TEF: variants seen among roughly 807,000 people sequenced by gnomAD.
TEF encodes TEF transcription factor, PAR bZIP family member.
A neutral mutation model predicts 20.8 loss-of-function variants in TEF; 3 were observed. That is an observed-to-expected ratio of 0.14 (90% confidence interval 0.07 to 0.37). The LOEUF (loss-of-function observed/expected upper bound fraction) is 0.37, where lower values mean the gene tolerates loss of function less well. Ranked by LOEUF, TEF falls within the 10% of genes least tolerant of loss-of-function variation. The pLI, the probability that TEF is intolerant of heterozygous loss-of-function variation, is 1.00. For missense variants in TEF, 296 were observed against 397.9 expected, an observed-to-expected ratio of 0.74 and a Z score of 2.18; for synonymous variants, 180 against 171.1, an observed-to-expected ratio of 1.05 and a Z score of -0.41.
At chr22:41,378,261 C>T (rs1297867847), upstream of TEF, among the ~76,000 whole-genome samples, 10 of 151,322 alleles carry the variant, frequency 6.6e-5, no homozygotes, top group African/African-American at 1.9e-4. Context: ...CTCCGCCTCC[C>T]ACGTTCAAGC....
chr22:41,381,903 T>C (rs1019116113), upstream of TEF: 1 of 1,225,372 alleles, frequency 8.2e-7, no homozygotes, highest in Non-Finnish European at 1.0e-6. Context: ...GCAGGCGGGG[T>C]AGCGATGGAA....
chr22:41,382,342 C>T (rs1290486086), intron 1 of TEF, 141 bp downstream of exon 1: 2 of 746,972 alleles, frequency 2.7e-6, no homozygotes, highest in African/African-American at 3.8e-5. Flanking sequence ...GACCAGGAGC[C>T]TGGAGGACGA....
chr22:41,387,983 C>CTTTTTTTTTTT lies in TEF; in HGVS notation c.475+337_475+347dup, dbSNP rs530707936. ...CATTCTGCATTTCCTCAATGCTGCT[C>CTTTTTTTTTTT]TTTTTTTTTTTTTTTTTTTTTTTTT... On this transcript the variant is annotated intron_variant, in intron 2 of 3. Coordinates refer to ENST00000266304, the MANE Select transcript of TEF (RefSeq NM_003216.4). Among the ~76,000 whole-genome samples, 27 of 50,114 alleles carry CTTTTTTTTTTT rather than the reference C, an allele frequency of 5.4e-4. 6 individuals carry two copies. Among genetic ancestry groups the CTTTTTTTTTTT allele is most frequent in the Admixed American group, 6.5e-4 (2 of 3,086 alleles). 32.9% of individuals were successfully genotyped at this position (50,114 alleles called of 152,430 possible).
chr22:41,385,943 C>T (rs1402693346), intron 1 of TEF, among the ~76,000 whole-genome samples: 7 of 150,842 alleles, frequency 4.6e-5, no homozygotes, highest in African/African-American at 1.7e-4. Context: ...CCTCAGCCTC[C>T]CAAAGTGCTG....
intron 1 of TEF, chr22:41,369,021 T>G (rs1014859182): frequency 2.0e-6 from 2 of 979,214 alleles, no homozygotes; most frequent in Non-Finnish European, 2.4e-6. Context: ...GGTCCCCTCC[T>G]TGGTCCAGGA....
chr22:41,377,839 C>G (rs1404679928), upstream of TEF, among the ~76,000 whole-genome samples: 1 of 152,194 alleles, frequency 6.6e-6, no homozygotes, highest in East Asian at 1.9e-4. Flanking sequence ...ACCCGCTGGT[C>G]TCACTTCTCA....
chr22:41,370,561 C>T (rs931475941), intron 1 of TEF, among the ~76,000 whole-genome samples: 3 of 151,894 alleles, frequency 2.0e-5, no homozygotes, highest in South Asian at 2.1e-4. Context: ...TACAGGCACC[C>T]GCCACCACGC....
In TEF at chr22:41,387,685, C is replaced by G. The variant is rs760845285; in HGVS notation, c.475+17C>G. The G allele has an allele frequency of 1.3e-6, 2 of 1,596,156 alleles. No homozygotes were observed. The highest frequency in any genetic ancestry group is 2.7e-5 in the African/African-American group (2 of 74,528). On this transcript the variant is annotated intron_variant, in intron 2 of 3. Transcript: ENST00000266304. ...CCAGCACAGGTTGGTGAAAGGCCATCGAGGAGGGCCACCTGTCCCATCCAG... is the reference window on the plus strand; with the variant it reads ...CCAGCACAGGTTGGTGAAAGGCCATGGAGGAGGGCCACCTGTCCCATCCAG...
upstream of TEF, chr22:41,381,835 C>A: frequency 1.7e-6 from 2 of 1,195,664 alleles, no homozygotes; most frequent in Non-Finnish European, 2.1e-6. Flanking sequence ...CAATCCAGAG[C>A]AACGATCCGG....
In TEF at chr22:41,387,386, G is replaced by A. The variant is rs1374034932; in HGVS notation, c.193G>A (p.Glu65Lys). ...GGGGAAGGAAAAGCTGGAGGAGGACGAGGCCGCAGCCGCCAGCACCATGGC... is the reference window on the plus strand; with the variant it reads ...GGGGAAGGAAAAGCTGGAGGAGGACAAGGCCGCAGCCGCCAGCACCATGGC... ...EKGKEKLEEDEAAAASTMAVS... is the reference protein window; with the variant it reads ...EKGKEKLEEDKAAAASTMAVS... The change falls in exon 2 of 4, where the codon GAG becomes AAG. Residue 65 changes from glutamate to lysine, a missense_variant. By Grantham distance (56) the Glu-to-Lys change is moderately conservative (BLOSUM62 1). Coordinates refer to ENST00000266304, the MANE Select transcript of TEF (RefSeq NM_003216.4). 1.9e-6 allele frequency: 3 copies of A among 1,614,202 alleles called. No homozygotes were observed. The highest frequency in any genetic ancestry group is 3.3e-5 in the Admixed American group (2 of 60,020).
intron 1 of TEF, among the ~76,000 whole-genome samples, chr22:41,371,356 G>A (rs750193574): frequency 1.9e-4 from 29 of 152,210 alleles, no homozygotes; most frequent in Non-Finnish European, 4.1e-4. Flanking sequence ...CTGGGCAGGC[G>A]GCATCCCCAC....
rs528926799 is a variant in TEF, at chr22:41,392,591, T to C, written c.476-1505T>C. On this transcript the variant is annotated intron_variant, in intron 2 of 3. Transcript: ENST00000266304. ...TGGGAGGCTGAGGCAGGAGAATAGC[T>C]TGAACCCAGGAGGTCAAGGTTGCAG... 4.8e-5 allele frequency among the ~76,000 whole-genome samples: 7 copies of C among 146,620 alleles called. No homozygotes were observed. In the Admixed American group the frequency reaches 5.0e-4, roughly 10 times the overall value.
chr22:41,383,067 A>C, intron 1 of TEF: 1 of 470,304 alleles, frequency 2.1e-6, no homozygotes, highest in Non-Finnish European at 4.4e-6. Flanking sequence ...TTGTGGGTGC[A>C]CTGAGGTATA....
intron 1 of TEF, among the ~76,000 whole-genome samples, chr22:41,371,357 G>T (rs998272702): frequency 1.3e-5 from 2 of 152,182 alleles, no homozygotes; most frequent in Admixed American, 6.5e-5. Flanking sequence ...TGGGCAGGCG[G>T]CATCCCCACG....
chr22:41,382,050 C>T lies in TEF; in HGVS notation c.6C>T (p.Ser2=). The stretch of plus-strand genomic sequence containing the variant: ...CGAGCCGAGTCCGGGGCACGATGTC[C>T]GACGCGGGCGGCGGAAAGAAGCCGC... M[S]DAGGGKKPPV... is the part of the protein sequence containing the mutation. Residue 2 remains serine, a synonymous_variant, in exon 1 of 4, where the codon TCC becomes TCT. Coordinates refer to ENST00000266304, the MANE Select transcript of TEF (RefSeq NM_003216.4). The T allele has an allele frequency of 8.1e-7, 1 of 1,230,640 alleles. No individual in the cohort carries two copies. Among genetic ancestry groups the T allele is most frequent in the Non-Finnish European group, 1.0e-6 (1 of 987,290 alleles). 76.2% of individuals were successfully genotyped at this position (1,230,640 alleles called of 1,614,324 possible).
intron 1 of TEF, among the ~76,000 whole-genome samples, chr22:41,376,338 G>C (rs2036941775): frequency 6.6e-6 from 1 of 152,238 alleles, no homozygotes; most frequent in Non-Finnish European, 1.5e-5. Flanking sequence ...CTGGGTTCAA[G>C]TGATTCTCCT....
upstream of TEF, chr22:41,381,803 C>T (rs2037027917): frequency 9.5e-6 from 10 of 1,051,078 alleles, no homozygotes; most frequent in Non-Finnish European, 1.2e-5. Flanking sequence ...GGATCTGCGC[C>T]TGCCCCTCTC....
At chr22:41,375,477 G>A (rs957671611) in intron 1 of TEF, among the ~76,000 whole-genome samples, 37 of 152,242 alleles carry the variant, frequency 2.4e-4, no homozygotes, top group African/African-American at 7.0e-4. Flanking sequence ...GCGGCCGGGC[G>A]TGGTGGCACA....
chr22:41,380,993 G>T (rs2037009763), upstream of TEF, among the ~76,000 whole-genome samples: 1 of 152,182 alleles, frequency 6.6e-6, no homozygotes, highest in Non-Finnish European at 1.5e-5. Context: ...TGAAGCAACC[G>T]GACTTTCCCA....
Sources: allele counts gnomAD v4.1 joint callset (sites outside exome capture counted in the v4.1 genomes callset), GRCh38; gene constraint gnomAD v4.1.1; transcripts MANE v1.5; gene names NCBI Gene and HGNC (gene_info 2026-07-23, HGNC 2026-07-21).